The following IFT80 variants were observed in gnomAD, a reference collection of about 807,000 sequenced individuals.
IFT80 encodes the protein intraflagellar transport 80, also known as intraflagellar transport protein 80 homolog.
Under a neutral mutation model 107.9 loss-of-function variants are expected in IFT80, and 79 were observed. The observed-to-expected ratio is 0.73, with a 90% confidence interval of 0.61 to 0.88. The LOEUF (loss-of-function observed/expected upper bound fraction) is 0.88. Ranked by LOEUF, IFT80 falls within the 40% of genes least tolerant of loss-of-function variation. The pLI is 0.00. For missense variants in IFT80, 797 were observed against 914.2 expected, an observed-to-expected ratio of 0.87 and a Z score of 1.65; for synonymous variants, 299 against 300.9, an observed-to-expected ratio of 0.99 and a Z score of 0.07.
chr3:160,388,418 CA>C, intron 1 of IFT80, among the ~76,000 whole-genome samples: 1 of 151,454 alleles, frequency 6.6e-6, no homozygotes, highest in South Asian at 2.1e-4. Context: ...CCCTCAGGAG[CA>C]AAAATGTGGA....
intron 2 of IFT80, among the ~76,000 whole-genome samples, chr3:160,383,280 C>T (rs1213793179): frequency 6.6e-6 from 1 of 152,170 alleles, no homozygotes; most frequent in Non-Finnish European, 1.5e-5. Context: ...AGACAGTAGA[C>T]ATGGTCAAAA....
At chr3:160,384,307 A>T in intron 2 of IFT80, 2 of 826,880 alleles carry the variant, frequency 2.4e-6, no homozygotes, top group African/African-American at 1.8e-5. Context: ...ACTGCTTTTT[A>T]AGTATTTAAG....
chr3:160,396,678 C>A (rs984020792), intron 1 of IFT80, among the ~76,000 whole-genome samples: 2 of 152,040 alleles, frequency 1.3e-5, no homozygotes, highest in East Asian at 3.9e-4. Context: ...AAGATAAGAC[C>A]CAGTTATAGC....
chr3:160,327,346 CA>C (rs1353839759), intron 8 of IFT80, among the ~76,000 whole-genome samples: 2 of 151,704 alleles, frequency 1.3e-5, no homozygotes, highest in Admixed American at 1.3e-4. Context: ...CATATGGAGC[CA>C]AAAAAGAGCC....
At chr3:160,366,012 T>C (rs781374161) in intron 6 of IFT80, 31 bp downstream of exon 6, 1 of 1,542,036 alleles carries the variant, frequency 6.5e-7, no homozygotes, top group Non-Finnish European at 9.0e-7. Context: ...AGGCAGACCC[T>C]GATAACAATT....
intron 12 of IFT80, among the ~76,000 whole-genome samples, chr3:160,289,832 C>T (rs559357254): frequency 6.6e-6 from 1 of 152,180 alleles, no homozygotes; most frequent in African/African-American, 2.4e-5. Flanking sequence ...ACCTTAAGCA[C>T]GTGAGTAGGC....
intron 7 of IFT80, among the ~76,000 whole-genome samples, 173 bp from the exon 8 acceptor site, chr3:160,356,323 A>T (rs747363707): frequency 1.7e-4 from 26 of 152,354 alleles, no homozygotes; most frequent in Non-Finnish European, 3.2e-4. Flanking sequence ...CTTATATATT[A>T]GCAATTAAAC....
rs928109057 is a variant in IFT80, at chr3:160,307,691, A to C, written c.1048T>G (p.Ser350Ala). 2 of 1,587,030 alleles carry C rather than the reference A, an allele frequency of 1.3e-6. No individual in the cohort carries two copies. The highest frequency in any genetic ancestry group is 1.3e-5 in the African/African-American group (1 of 74,402). ...AACACGTAACATTGAAGAGACGTTG[A>C]AACAACTAAGTGTGCATAGTTCAAA... ...ASLNYAHLVV[S>A]TSLQCYVFST... Residue 350 changes from serine to alanine, a missense_variant, in exon 10 of 20, where the codon TCA (serine) becomes GCA (alanine). Physicochemically the swap from Ser to Ala is moderately conservative, Grantham distance 99. Coordinates refer to ENST00000326448, the MANE Select transcript of IFT80 (RefSeq NM_020800.3).
intron 12 of IFT80, among the ~76,000 whole-genome samples, chr3:160,296,867 A>G (rs1438018949): frequency 6.6e-6 from 1 of 152,186 alleles, no homozygotes; most frequent in East Asian, 1.9e-4. Flanking sequence ...TGTGGGCTAC[A>G]CATAACATTG....
chr3:160,266,689 T>G (rs777332741), intron 19 of IFT80, among the ~76,000 whole-genome samples: 1 of 152,182 alleles, frequency 6.6e-6, no homozygotes. Context: ...TGATCAGAAC[T>G]GTATTTCCTA....
chr3:160,344,224 A>T (rs1322142009), intron 8 of IFT80, among the ~76,000 whole-genome samples: 4 of 152,084 alleles, frequency 2.6e-5, no homozygotes, highest in Non-Finnish European at 1.5e-5. Context: ...CCAATTCCAG[A>T]ATTTCTATTA....
chr3:160,323,261 C>T (rs1718407087), intron 8 of IFT80, among the ~76,000 whole-genome samples: 2 of 149,658 alleles, frequency 1.3e-5, no homozygotes, highest in South Asian at 2.2e-4. Flanking sequence ...ATATGGCTAG[C>T]CAGTTTTCCC....
chr3:160,307,901 A>C, intron 9 of IFT80, 120 bp from the exon 10 acceptor site: 1 of 662,606 alleles, frequency 1.5e-6, no homozygotes, highest in South Asian at 1.7e-5. Context: ...CTAATCATAT[A>C]AAAAAGAATT....
chr3:160,334,406 A>G (rs948487380), intron 8 of IFT80, among the ~76,000 whole-genome samples: 2 of 150,670 alleles, frequency 1.3e-5, no homozygotes, highest in African/African-American at 4.9e-5. Context: ...GTTTCACTAA[A>G]TATGATGCTC....
At chr3:160,387,363 G>T (rs529481113) in intron 1 of IFT80, among the ~76,000 whole-genome samples, 1 of 152,280 alleles carries the variant, frequency 6.6e-6, no homozygotes, top group Admixed American at 6.5e-5. Flanking sequence ...AATTAGCCGG[G>T]TGTGGTGGCG....
chr3:160,262,928 G>T (rs1363154512), intron 19 of IFT80, among the ~76,000 whole-genome samples: 1 of 151,990 alleles, frequency 6.6e-6, no homozygotes, highest in Non-Finnish European at 1.5e-5. Flanking sequence ...TACCTAGATG[G>T]TCAAGGCAAT....
In IFT80 at chr3:160,344,719, T is replaced by C. The variant is rs553869155; in HGVS notation, c.777+11294A>G. Among the ~76,000 whole-genome samples the C allele has an allele frequency of 1.2e-4, 18 of 152,246 alleles. No individual in the cohort carries two copies. The South Asian group carries it at 3.5e-3, about 30-fold the overall frequency. On this transcript the variant is annotated intron_variant, in intron 8 of 19. Transcript: ENST00000326448. ...TGACAAAGGATTAGTAACCAGAATA[T>C]ATAAGGAGACCCAACAACCCCATGG...
At chr3:160,341,734 C>G (rs1719913025) in intron 8 of IFT80, among the ~76,000 whole-genome samples, 1 of 152,076 alleles carries the variant, frequency 6.6e-6, no homozygotes, top group Admixed American at 6.6e-5. Flanking sequence ...GGTCAATCCA[C>G]TGGAAAAGAA....
rs549582806 is a variant in IFT80, at chr3:160,343,389, A to G, written c.777+12624T>C. Among the ~76,000 whole-genome samples, 20 of 152,302 alleles carry G rather than the reference A, an allele frequency of 1.3e-4. No individual in the cohort carries two copies. In the South Asian group the frequency reaches 3.5e-3, roughly 27 times the overall value. Reference sequence around the variant, plus strand: ...GCAACAATGTCAGTTAATTAAAAATAAGGCCAAGTACTTTGTATATTTAGA... The same window carrying G: ...GCAACAATGTCAGTTAATTAAAAATGAGGCCAAGTACTTTGTATATTTAGA... On this transcript the variant is annotated intron_variant, in intron 8 of 19. Coordinates refer to ENST00000326448, the MANE Select transcript of IFT80 (RefSeq NM_020800.3).
Sources: gnomAD v4.1 joint callset for allele counts (sites outside exome capture counted in the v4.1 genomes callset) on GRCh38, gnomAD v4.1.1 for gene constraint, MANE v1.5 for transcripts, NCBI Gene and HGNC (gene_info 2026-07-23, HGNC 2026-07-21) for gene names.